The following TECPR2 variants were observed in gnomAD, a reference collection of about 807,000 sequenced individuals.
The protein encoded by TECPR2 is tectonin beta-propeller repeat containing 2, also known as tectonin beta-propeller repeat-containing protein 2.
Under a neutral mutation model 138.1 loss-of-function variants are expected in TECPR2, and 65 were observed. The observed-to-expected ratio is 0.47, with a 90% CI of 0.39 to 0.58. TECPR2 has a LOEUF of 0.58. Among genes scored for constraint, TECPR2 ranks in the 20% least tolerant of loss-of-function variants. The pLI is 0.00. For missense variants in TECPR2, 1,553 were observed against 1,824.5 expected, an observed-to-expected ratio of 0.85 and a Z score of 2.71; for synonymous variants, 746 against 749.8, an observed-to-expected ratio of 0.99 and a Z score of 0.08.
intron 16 of TECPR2, among the ~76,000 whole-genome samples, chr14:102,464,380 G>A (rs899094636): frequency 1.3e-5 from 2 of 152,058 alleles, no homozygotes; most frequent in African/African-American, 4.8e-5. Context: ...GATTCTTTGG[G>A]AGACTTAGTT....
chr14:102,420,961 T>A lies in TECPR2; in HGVS notation c.639-4018T>A, dbSNP rs895354763. Among the ~76,000 whole-genome samples, 2 of 152,212 alleles carry A rather than the reference T, an allele frequency of 1.3e-5. No homozygotes were observed. The highest frequency in any genetic ancestry group is 4.8e-5 in the African/African-American group (2 of 41,452). The stretch of plus-strand genomic sequence containing the variant: ...TGGCGCTTCCAGATGCTGATGTGAT[T>A]GTTCACACAGGTCAGCACAGTGTTA... On this transcript the variant is annotated intron_variant, in intron 5 of 19. Coordinates refer to ENST00000359520, the MANE Select transcript of TECPR2 (RefSeq NM_014844.5). This position sits in a 1 kb window ranked among gnomAD's most constrained non-coding sequence, Gnocchi z 4.1.
At chr14:102,373,997 A>G (rs1747432801) in intron 1 of TECPR2, among the ~76,000 whole-genome samples, 1 of 150,886 alleles carries the variant, frequency 6.6e-6, no homozygotes, top group African/African-American at 2.4e-5. Context: ...AGAAGAACCC[A>G]GGAGGCGAGT....
chr14:102,438,328 T>C (rs886110364), intron 10 of TECPR2, 123 bp downstream of exon 10: 72 of 1,273,552 alleles, frequency 5.7e-5, no homozygotes, highest in Non-Finnish European at 7.1e-5. Context: ...CACGCTGCCG[T>C]GCGTTCACCA....
At chr14:102,401,570 G>A (rs1300492200) in intron 2 of TECPR2, among the ~76,000 whole-genome samples, 1 of 151,954 alleles carries the variant, frequency 6.6e-6, no homozygotes, top group Non-Finnish European at 1.5e-5. Context: ...ACAAGGTCAG[G>A]AGATCGAGAC....
chr14:102,406,357 C>G (rs574930646), intron 2 of TECPR2, among the ~76,000 whole-genome samples: 27 of 151,246 alleles, frequency 1.8e-4, no homozygotes, highest in East Asian at 1.4e-3. Flanking sequence ...GACCATCCTG[C>G]CTAACACGGT....
In TECPR2 at chr14:102,435,111, C is replaced by T. The variant is rs145412882; in HGVS notation, c.2294C>T (p.Ser765Leu). The change falls in exon 9 of 20, where the codon TCA (serine) becomes TTA (leucine). Residue 765 changes from serine (S) to leucine (L), a missense_variant. Physicochemically the swap from Ser to Leu is moderately radical, Grantham distance 145. Coordinates refer to ENST00000359520, the MANE Select transcript of TECPR2 (RefSeq NM_014844.5). Reference sequence around the variant, plus strand: ...ATCTATGCCCACGGGCTTCCTTCTTCATCCTCAGAGACGAGTGTGACAGAG... The same window carrying T: ...ATCTATGCCCACGGGCTTCCTTCTTTATCCTCAGAGACGAGTGTGACAGAG... The part of the protein sequence containing the change: ...EDIYAHGLPS[S>L]SSETSVTELG... The T allele has an allele frequency of 6.2e-7, 1 of 1,613,772 alleles. No homozygotes were observed. Among genetic ancestry groups the T allele is most frequent in the Non-Finnish European group, 8.5e-7 (1 of 1,180,026 alleles).
intron 9 of TECPR2, among the ~76,000 whole-genome samples, chr14:102,437,491 T>C (rs1275460664): frequency 6.6e-6 from 1 of 151,724 alleles, no homozygotes; most frequent in Non-Finnish European, 1.5e-5. Context: ...GAGGCGGAGG[T>C]TGCAGTGAGC....
chr14:102,411,891 A>G (rs1888882829), intron 4 of TECPR2, among the ~76,000 whole-genome samples: 1 of 151,980 alleles, frequency 6.6e-6, no homozygotes, highest in Non-Finnish European at 1.5e-5. Flanking sequence ...ATATCCTCAT[A>G]TGACTACCTC....
At position 102,435,179 on chromosome 14, in the gene TECPR2, G is replaced by A. The variant is rs551027659; in HGVS notation, c.2362G>A (p.Ala788Thr). 5.6e-6 allele frequency: 9 copies of A among 1,612,572 alleles called. No individual in the cohort carries two copies. The Admixed American group carries it at 1.0e-4, about 18-fold the overall frequency. Residue 788 changes from alanine (A) to threonine (T), a missense_variant, in exon 9 of 20, where the codon GCA (alanine) becomes ACA (threonine). By Grantham distance (58) the Ala-to-Thr change is moderately conservative. Transcript: ENST00000359520. ...CCAGCAGGACCTGAGCCGGCTGGGT[G>A]CAGAGGACGCCGGGCTGCTCAAGCC... ...CSQQDLSRLGAEDAGLLKPDQ... is the reference protein window; with the variant it reads ...CSQQDLSRLGTEDAGLLKPDQ...
At chr14:102,465,009 A>T in intron 16 of TECPR2, 132 bp from the exon 17 acceptor site, 1 of 1,064,842 alleles carries the variant, frequency 9.4e-7, no homozygotes, top group Non-Finnish European at 1.4e-6. Flanking sequence ...CCGATGACTT[A>T]GTGTCCAAGT....
chr14:102,457,034 C>T (rs902517944), intron 16 of TECPR2, among the ~76,000 whole-genome samples: 1 of 152,234 alleles, frequency 6.6e-6, no homozygotes, highest in Non-Finnish European at 1.5e-5. Context: ...TTATTAGGCT[C>T]TCTCCAGGTA....
At position 102,443,592 on chromosome 14, in the gene TECPR2, G is replaced by T. The variant is rs1889891644; in HGVS notation, c.2753-55G>T. 7.2e-7 allele frequency: 1 copy of T among 1,384,414 alleles called. No homozygotes were observed. Among genetic ancestry groups the T allele is most frequent in the Non-Finnish European group, 9.5e-7 (1 of 1,052,428 alleles). 85.8% of individuals were successfully genotyped at this position (1,384,414 alleles called of 1,614,324 possible). On this transcript the variant is annotated intron_variant, in intron 11 of 19. Coordinates refer to ENST00000359520, the MANE Select transcript of TECPR2 (RefSeq NM_014844.5). This position sits in a 1 kb window ranked among gnomAD's most constrained non-coding sequence, Gnocchi z 4.9. ...AATAAGCCAATAACCAAGTCAAAAT[G>T]AGGTGTGGAGTTCTGACTGTGTGTC... is the stretch of plus-strand genomic sequence containing the variant.
rs756905998 is a variant in TECPR2, at chr14:102,445,834, A to G, written c.2962A>G (p.Ile988Val). The G allele has an allele frequency of 3.6e-5, 58 of 1,613,826 alleles. No homozygotes were observed. Among genetic ancestry groups the G allele is most frequent in the Non-Finnish European group, 4.8e-5 (57 of 1,180,008 alleles). The change falls in exon 13 of 20, where the codon ATA becomes GTA. Residue 988 changes from isoleucine to valine, a missense_variant. Physicochemically the swap from Ile to Val is conservative, Grantham distance 29 (BLOSUM62 3). Coordinates refer to ENST00000359520, the MANE Select transcript of TECPR2 (RefSeq NM_014844.5). Reference sequence around the variant, plus strand: ...AAGGCAAGCTTTAGAACCCGTCTGCATAACGCTCGGGGATCAGCAGACTCT... The same window carrying G: ...AAGGCAAGCTTTAGAACCCGTCTGCGTAACGCTCGGGGATCAGCAGACTCT... ...SERQALEPVC[I>V]TLGDQQTLWA... is the part of the protein sequence containing the mutation.
At chr14:102,366,265 T>C (rs1887343507) in intron 1 of TECPR2, among the ~76,000 whole-genome samples, 1 of 152,182 alleles carries the variant, frequency 6.6e-6, no homozygotes, top group African/African-American at 2.4e-5. Flanking sequence ...GCATCGTAAC[T>C]TGAAGGATGC....
rs1439649876 is a variant in TECPR2, at chr14:102,450,576, T to C, written c.3333T>C (p.His1111=). Residue 1111 remains histidine, a synonymous_variant, in exon 15 of 20, where the codon CAT becomes CAC. Coordinates refer to ENST00000359520, the MANE Select transcript of TECPR2 (RefSeq NM_014844.5). ...KGSLIGTYWN[H]VVPRGTASAT... is the part of the protein sequence containing the mutation. ...TCTTTCCAGGCACCTACTGGAATCA[T>C]GTGGTTCCCCGTGGGACAGCTTCTG... is the stretch of plus-strand genomic sequence containing the variant. 2 of 1,614,060 alleles carry C rather than the reference T, an allele frequency of 1.2e-6. No homozygotes were observed. The highest frequency in any genetic ancestry group is 1.3e-5 in the African/African-American group (1 of 74,944).
intron 17 of TECPR2, among the ~76,000 whole-genome samples, chr14:102,485,862 C>T (rs578148628): frequency 2.6e-4 from 39 of 152,300 alleles, no homozygotes; most frequent in Middle Eastern, 6.8e-3. Flanking sequence ...GGGTGTGTGC[C>T]ACTGGGTCCA....
chr14:102,482,909 T>C (rs562846546), intron 17 of TECPR2, among the ~76,000 whole-genome samples: 1 of 146,010 alleles, frequency 6.8e-6, no homozygotes, highest in South Asian at 2.2e-4. Context: ...AGTGGCATGA[T>C]CTCGGCTCAC....
At chr14:102,433,506 A>AT (rs1197279084) in intron 8 of TECPR2, among the ~76,000 whole-genome samples, 4 of 148,708 alleles carry the variant, frequency 2.7e-5, no homozygotes, top group African/African-American at 1.0e-4. Context: ...TTATTTATTT[A>AT]TTTATTTATT....
In TECPR2 at chr14:102,429,518, T is replaced by C. The variant is rs1889411862; in HGVS notation, c.1084+1136T>C. Among the ~76,000 whole-genome samples, 3 of 152,342 alleles carry C rather than the reference T, an allele frequency of 2.0e-5. No individual in the cohort carries two copies. The South Asian group carries it at 6.2e-4, about 32-fold the overall frequency. On this transcript the variant is annotated intron_variant, in intron 7 of 19. Coordinates refer to ENST00000359520, the MANE Select transcript of TECPR2 (RefSeq NM_014844.5). The stretch of plus-strand genomic sequence containing the variant: ...AATTTTAATGAGCAAAGAATCCTAA[T>C]ATGTGTCCTCTTGCGGACATCCACA...
Sources: gnomAD v4.1 joint callset for allele counts (sites outside exome capture counted in the v4.1 genomes callset) on GRCh38, gnomAD v4.1.1 for gene constraint, Gnocchi (gnomAD v3.1) non-coding constraint, MANE v1.5 for transcripts, NCBI Gene and HGNC (gene_info 2026-07-23, HGNC 2026-07-21) for gene names.